PCDH9: variants seen among roughly 807,000 people sequenced by gnomAD.
The protein encoded by PCDH9 is protocadherin-9.
In PCDH9, 24 loss-of-function variants were observed where a neutral mutation model predicts 70.6. The observed-to-expected ratio is 0.34, with a 90% CI of 0.25 to 0.48. The LOEUF (loss-of-function observed/expected upper bound fraction) is 0.48. Among genes scored for constraint, PCDH9 ranks in the 20% least tolerant of loss-of-function variants. The pLI, the probability that PCDH9 is intolerant of heterozygous loss-of-function variation, is 0.99. For missense variants in PCDH9, 1,281 were observed against 1,503.6 expected, an observed-to-expected ratio of 0.85 and a Z score of 2.45; for synonymous variants, 562 against 558.5, an observed-to-expected ratio of 1.01 and a Z score of -0.09.
chr13:66,883,714 G>C (rs2081960073), intron 3 of PCDH9, among the ~76,000 whole-genome samples: 1 of 152,104 alleles, frequency 6.6e-6, no homozygotes, highest in African/African-American at 2.4e-5. Flanking sequence ...CTATGATATA[G>C]TGGCTGTGTT....
At chr13:67,063,787 C>T (rs978189432) in intron 2 of PCDH9, among the ~76,000 whole-genome samples, 1 of 152,090 alleles carries the variant, frequency 6.6e-6, no homozygotes, top group Non-Finnish European at 1.5e-5. Context: ...AAGGAATGAG[C>T]AGCCATAACA....
At chr13:66,828,469 A>C (rs1281082493) in intron 3 of PCDH9, among the ~76,000 whole-genome samples, 1 of 152,194 alleles carries the variant, frequency 6.6e-6, no homozygotes, top group Non-Finnish European at 1.5e-5. Context: ...CACTATTCAT[A>C]TCTCTCTTAA....
At chr13:66,903,361 A>T (rs955441598) in intron 3 of PCDH9, 143 bp downstream of exon 3, 10 of 366,884 alleles carry the variant, frequency 2.7e-5, no homozygotes, top group Middle Eastern at 7.1e-4. Context: ...ACTTAAAATT[A>T]TTTTCAAAAA....
intron 4 of PCDH9, among the ~76,000 whole-genome samples, chr13:66,418,040 G>C (rs9540745): frequency 0.38 from 58,047 of 152,030 alleles, 11,994 homozygotes; most frequent in East Asian, 0.51. Flanking sequence ...TTTGGCTTTT[G>C]TTGCAATTGC....
intron 3 of PCDH9, among the ~76,000 whole-genome samples, chr13:66,649,614 C>T (rs1270158157): frequency 6.7e-6 from 1 of 148,770 alleles, no homozygotes; most frequent in African/African-American, 2.4e-5. Context: ...ACAAAATCAT[C>T]TGAAGATACA....
intron 2 of PCDH9, among the ~76,000 whole-genome samples, chr13:67,191,291 A>G (rs969569337): frequency 6.6e-6 from 1 of 152,158 alleles, no homozygotes; most frequent in Non-Finnish European, 1.5e-5. Flanking sequence ...GAGAATGTAC[A>G]TTCCTCGAAA....
At chr13:66,871,653 A>G in intron 3 of PCDH9, among the ~76,000 whole-genome samples, 1 of 152,064 alleles carries the variant, frequency 6.6e-6, no homozygotes, top group East Asian at 1.9e-4. Context: ...CTCTATCAAT[A>G]TGCAGCCAGA....
chr13:67,082,539 A>G (rs1388232776), intron 2 of PCDH9, among the ~76,000 whole-genome samples: 1 of 152,082 alleles, frequency 6.6e-6, no homozygotes, highest in Non-Finnish European at 1.5e-5. Flanking sequence ...AATTAAATTT[A>G]TTTTACAAGT....
chr13:66,511,697 A>G (rs1218648121), intron 4 of PCDH9, among the ~76,000 whole-genome samples: 1 of 152,130 alleles, frequency 6.6e-6, no homozygotes, highest in Non-Finnish European at 1.5e-5. Context: ...TTATCCTGGA[A>G]ATAGTGAATG....
chr13:67,109,905 G>A (rs2086621296), intron 2 of PCDH9, among the ~76,000 whole-genome samples: 1 of 152,064 alleles, frequency 6.6e-6, no homozygotes, highest in African/African-American at 2.4e-5. Context: ...ACCTCTTGAA[G>A]TGCATTATAC....
At chr13:66,892,091 C>A (rs2082105110) in intron 3 of PCDH9, among the ~76,000 whole-genome samples, 1 of 151,264 alleles carries the variant, frequency 6.6e-6, no homozygotes, top group South Asian at 2.1e-4. Flanking sequence ...TGATATTACC[C>A]TATGAATCTA....
At chr13:66,738,754 G>A (rs866119231) in intron 3 of PCDH9, among the ~76,000 whole-genome samples, 6 of 151,712 alleles carry the variant, frequency 4.0e-5, no homozygotes, top group Admixed American at 3.3e-4. Flanking sequence ...AATGGAAGAC[G>A]AAATGAATGA....
intron 3 of PCDH9, among the ~76,000 whole-genome samples, chr13:66,888,107 T>A (rs2082037618): frequency 6.6e-6 from 1 of 152,208 alleles, no homozygotes; most frequent in Non-Finnish European, 1.5e-5. Flanking sequence ...CTCACTTGCA[T>A]CTCAGTGAGA....
chr13:66,462,470 C>CA (rs934548988), intron 4 of PCDH9, among the ~76,000 whole-genome samples: 2 of 151,820 alleles, frequency 1.3e-5, no homozygotes, highest in African/African-American at 4.8e-5. Context: ...AGCTAAATAT[C>CA]AGAGTTCAAA....
intron 3 of PCDH9, among the ~76,000 whole-genome samples, chr13:66,672,403 A>C (rs1431344391): frequency 6.6e-6 from 1 of 152,212 alleles, no homozygotes; most frequent in Non-Finnish European, 1.5e-5. Flanking sequence ...GGATGTATGG[A>C]AATGCCTTGA....
intron 2 of PCDH9, among the ~76,000 whole-genome samples, chr13:67,185,574 C>T (rs868824737): frequency 1.8e-4 from 27 of 152,100 alleles, no homozygotes; most frequent in Middle Eastern, 6.8e-3. Context: ...AATGTATGAT[C>T]CAGAAATAAG....
intron 3 of PCDH9, among the ~76,000 whole-genome samples, chr13:66,752,376 A>G (rs2079473829): frequency 6.6e-6 from 1 of 152,146 alleles, no homozygotes; most frequent in Non-Finnish European, 1.5e-5. Flanking sequence ...GGCTCGCTGC[A>G]GCCTTGACCT....
At position 66,376,299 on chromosome 13, in the gene PCDH9, G is replaced by C. The variant is rs573627533; in HGVS notation, c.3341-71271C>G. 5.3e-5 allele frequency among the ~76,000 whole-genome samples: 8 copies of C among 152,194 alleles called. No individual in the cohort carries two copies. The South Asian group carries it at 8.3e-4, about 16-fold the overall frequency. ...TAAAACCTTTCACACACTGAATGCT[G>C]AAGTGAAGTAAGTTAGCTCCTGTTC... is the stretch of plus-strand genomic sequence containing the variant. On this transcript the variant is annotated intron_variant, in intron 4 of 4. Transcript: ENST00000377865.
At chr13:66,962,934 C>T (rs113093620) in intron 2 of PCDH9, among the ~76,000 whole-genome samples, 1,672 of 152,256 alleles carry the variant, frequency 0.011, 34 homozygotes, top group African/African-American at 0.039. Flanking sequence ...ACACAGCTCA[C>T]CATAATGTGG....
Sources: allele counts gnomAD v4.1 joint callset (sites outside exome capture counted in the v4.1 genomes callset), GRCh38; gene constraint gnomAD v4.1.1; transcripts MANE v1.5; gene names NCBI Gene and HGNC (gene_info 2026-07-23, HGNC 2026-07-21).